Variants in DOCK7 observed in about 807,000 individuals in gnomAD.
The protein encoded by DOCK7 is dedicator of cytokinesis 7.
In DOCK7, 138 loss-of-function variants were observed where a neutral mutation model predicts 271.0. The observed-to-expected ratio is 0.51, with a 90% CI of 0.44 to 0.59. The LOEUF (loss-of-function observed/expected upper bound fraction) is 0.59. DOCK7 is among the 20% of genes least tolerant of loss of function. The pLI, the probability that DOCK7 is intolerant of heterozygous loss-of-function variation, is 0.00. For missense variants in DOCK7, 2,066 were observed against 2,592.4 expected (o/e 0.80, Z 4.41); for synonymous variants, 823 against 876.1 (o/e 0.94, Z 1.07).
chr1:62,556,620 T>C (rs1440568828), intron 20 of DOCK7, among the ~76,000 whole-genome samples: 1 of 151,980 alleles, frequency 6.6e-6, no homozygotes, highest in African/African-American at 2.4e-5. Flanking sequence ...CTCAAGTCAG[T>C]ATGTAACAAT....
chr1:62,559,932 T>C (rs981617507), intron 19 of DOCK7, among the ~76,000 whole-genome samples: 7 of 152,172 alleles, frequency 4.6e-5, no homozygotes, highest in Admixed American at 2.6e-4. Flanking sequence ...TTTTGGTACA[T>C]GTTAGGCAAA....
intron 14 of DOCK7, 55 bp downstream of exon 14, chr1:62,618,651 T>A: frequency 6.9e-7 from 1 of 1,451,354 alleles, no homozygotes; most frequent in South Asian, 1.2e-5. Context: ...TATACTTTAA[T>A]ATTTTAGAAT....
rs772974454 is a variant in DOCK7, at chr1:62,663,003, A to G, written c.144+22T>C. ...GTCAATCATACACCAAGAAGAGACT[A>G]TATTTTGAATACGTTACTTACTGTG... is the stretch of plus-strand genomic sequence containing the variant. On this transcript the variant is annotated intron_variant, in intron 2 of 49. Coordinates refer to ENST00000635253, the MANE Select transcript of DOCK7 (RefSeq NM_001367561.1). 3.8e-6 allele frequency: 6 copies of G among 1,568,558 alleles called. No individual in the cohort carries two copies. In the East Asian group the frequency reaches 9.0e-5, roughly 23 times the overall value.
intron 12 of DOCK7, among the ~76,000 whole-genome samples, chr1:62,621,149 G>C (rs1183572049): frequency 6.6e-6 from 1 of 151,872 alleles, no homozygotes; most frequent in Admixed American, 6.6e-5. Flanking sequence ...AGGAAGAAGA[G>C]GGAGGAAGGA....
intron 14 of DOCK7, among the ~76,000 whole-genome samples, chr1:62,590,474 C>A (rs190337272): frequency 2.0e-5 from 3 of 152,124 alleles, no homozygotes; most frequent in Non-Finnish European, 1.5e-5. Flanking sequence ...TCTATAATTC[C>A]TCATTGCAAT....
At chr1:62,598,918 A>G in intron 14 of DOCK7, 1 of 707,732 alleles carries the variant, frequency 1.4e-6, no homozygotes, top group Non-Finnish European at 2.5e-6. Context: ...TTATCACATC[A>G]GCATAACTGT....
At chr1:62,631,496 A>T in intron 10 of DOCK7, 91 bp from the exon 11 acceptor site, 1 of 1,173,074 alleles carries the variant, frequency 8.5e-7, no homozygotes, top group Non-Finnish European at 1.2e-6. Context: ...AAGGATGAGA[A>T]GTCTCAATTC....
intron 14 of DOCK7, chr1:62,604,496 GATTA>G: frequency 4.0e-6 from 4 of 999,352 alleles, no homozygotes; most frequent in Non-Finnish European, 6.0e-6. Context: ...GACTTATACA[GATTA>G]TTTAAAACTG....
chr1:62,636,417 T>A, intron 8 of DOCK7, 120 bp downstream of exon 8: 1 of 739,132 alleles, frequency 1.4e-6, no homozygotes, highest in East Asian at 3.0e-5. Context: ...TAAATTTCTA[T>A]TTCCTTTTTA....
chr1:62,665,294 AG>A (rs1238506393), intron 1 of DOCK7, among the ~76,000 whole-genome samples: 1 of 152,100 alleles, frequency 6.6e-6, no homozygotes, highest in African/African-American at 2.4e-5. Context: ...TAGCCTCATT[AG>A]GGATTTTAAT....
At chr1:62,597,729 C>A in intron 14 of DOCK7, 1 of 1,613,542 alleles carries the variant, frequency 6.2e-7, no homozygotes. Context: ...TCAGTTGGGA[C>A]ATGGTCTTAA....
rs773045547 is a variant in DOCK7, at chr1:62,602,317, G to C, written c.1683-15693C>G. The C allele has an allele frequency of 8.8e-5, 142 of 1,610,606 alleles. No homozygotes were observed. In the South Asian group the frequency reaches 1.5e-3, roughly 17 times the overall value. On this transcript the variant is annotated intron_variant, in intron 14 of 49. Transcript: ENST00000635253. Reference sequence around the variant, plus strand: ...ATGGACATTAATTCAACATCGAATAGATGGATCACAAAACTTCAATGAAAC... The same window carrying C: ...ATGGACATTAATTCAACATCGAATACATGGATCACAAAACTTCAATGAAAC...
intron 18 of DOCK7, among the ~76,000 whole-genome samples, chr1:62,568,351 A>C (rs1169550323): frequency 3.3e-5 from 5 of 151,484 alleles, no homozygotes; most frequent in Non-Finnish European, 5.9e-5. Flanking sequence ...CCTAGACTGG[A>C]GTGCAGTGGC....
intron 16 of DOCK7, among the ~76,000 whole-genome samples, chr1:62,579,403 A>T (rs1268523931): frequency 6.6e-6 from 1 of 152,130 alleles, no homozygotes; most frequent in Non-Finnish European, 1.5e-5. Context: ...AAAAAATGGG[A>T]AAAAAGGCAT....
intron 14 of DOCK7, chr1:62,598,684 C>T: frequency 6.6e-7 from 1 of 1,505,626 alleles, no homozygotes; most frequent in East Asian, 2.3e-5. Context: ...CCAACCTACT[C>T]TCTATATCCA....
intron 36 of DOCK7, 119 bp from the exon 37 acceptor site, chr1:62,504,901 G>A (rs1429715566): frequency 9.1e-6 from 11 of 1,211,348 alleles, no homozygotes; most frequent in Non-Finnish European, 1.2e-5. Context: ...GAATGGTTAG[G>A]ACAATATTAG....
At position 62,486,453 on chromosome 1, in the gene DOCK7, T is replaced by C. The variant is rs937206256; in HGVS notation, c.5508+945A>G. ...ACAACTTTACAAATATACCTAGCTT[T>C]AAATAAACCTGACTTATTACTACCT... On this transcript the variant is annotated intron_variant, in intron 43 of 49. Transcript: ENST00000635253. The C allele has an allele frequency of 2.0e-4, 30 of 152,106 alleles. 1 individual carries two copies. 9.4% of individuals were successfully genotyped at this position (152,106 alleles called of 1,614,324 possible).
At chr1:62,507,830 T>A (rs939940043) in intron 35 of DOCK7, 132 bp downstream of exon 35, 14 of 729,252 alleles carry the variant, frequency 1.9e-5, no homozygotes, top group Non-Finnish European at 3.1e-5. Context: ...AATCTCAGAA[T>A]GCTTGGAACG....
chr1:62,688,155 G>A (rs1334650261), intron 1 of DOCK7, 72 bp downstream of exon 1: 38 of 1,264,178 alleles, frequency 3.0e-5, no homozygotes, highest in Non-Finnish European at 3.5e-5. Context: ...CCGCCTCCTA[G>A]GCCAGGCCTG....
Sources: gnomAD v4.1 joint callset for allele counts (sites outside exome capture counted in the v4.1 genomes callset) on GRCh38, gnomAD v4.1.1 for gene constraint, MANE v1.5 for transcripts, NCBI Gene and HGNC (gene_info 2026-07-23, HGNC 2026-07-21) for gene names.